The following ATP5F1A variants were observed in gnomAD, a reference collection of about 807,000 sequenced individuals.
ATP5F1A encodes the protein ATP synthase F(1) complex subunit alpha, mitochondrial.
ATP5F1A carries 24 observed loss-of-function variants against 57.4 expected under a neutral mutation model. That is an observed-to-expected ratio of 0.42 (90% CI 0.30 to 0.59). The LOEUF is 0.59. Among genes scored for constraint, ATP5F1A ranks in the 20% least tolerant of loss-of-function variants. ATP5F1A has a pLI of 0.19. For missense variants in ATP5F1A, 494 were observed against 707.9 expected (o/e 0.70, Z 3.43); for synonymous variants, 251 against 255.5 (o/e 0.98, Z 0.17).
rs764829542 is a variant in ATP5F1A at position 46,098,134 on chromosome 18, A to C, written c.60+38T>G. The C allele has an allele frequency of 7.8e-5, 124 of 1,581,362 alleles. 1 individual carries two copies. In the African/African-American group the frequency reaches 1.5e-3, roughly 20 times the overall value. On this transcript the variant is annotated intron_variant, in intron 1 of 11. Transcript: ENST00000398752. The stretch of plus-strand genomic sequence containing the variant: ...CGGCGCACCACCACCCTGCAGCCCC[A>C]CCCGGCCGCCTGCATCATGCCGGCC...
rs1275040955 is a variant in ATP5F1A at position 46,084,342 on chromosome 18, T to G, written c.1602A>C (p.Glu534Asp). 6.2e-7 allele frequency: 1 copy of G among 1,613,568 alleles called. No homozygotes were observed. The highest frequency in any genetic ancestry group is 8.5e-7 in the Non-Finnish European group (1 of 1,179,938). Residue 534 changes from glutamate to aspartate, a missense_variant, in exon 12 of 12, where the codon GAA becomes GAC. Around this residue, in one of 6 missense-constraint regions of ATP5F1A, gnomAD observed 127 missense variants for 195.2 expected, o/e 0.65. Coordinates refer to ENST00000398752, the MANE Select transcript of ATP5F1A (RefSeq NM_004046.6). ...GTIRADGKIS[E>D]QSDAKLKEIV... ...TCTCTTTCAGCTTTGCATCTGATTG[T>G]TCTGAGATCTTTCCATCAGCCCTAT...
intron 1 of ATP5F1A, among the ~76,000 whole-genome samples, chr18:46,096,931 G>A (rs60920014): frequency 2.8e-4 from 41 of 146,484 alleles, no homozygotes; most frequent in African/African-American, 1.0e-3. Flanking sequence ...TGCAGTGGGC[G>A]GAGATCACGC....
rs912280571 is a variant in ATP5F1A, at chr18:46,098,290, C to T, written c.-59G>A. On this transcript the variant is annotated 5_prime_UTR_variant, in exon 1 of 12. Transcript: ENST00000398752. The stretch of plus-strand genomic sequence containing the variant: ...GCCGCAGCCTCCGGACTGACTGGGA[C>T]AAAATGGCCGAGCCGCAAAGAAGGT... 220 of 1,518,606 alleles carry T rather than the reference C, an allele frequency of 1.4e-4. No homozygotes were observed. The highest frequency in any genetic ancestry group is 1.9e-4 in the Non-Finnish European group (212 of 1,131,298). The allele number at this position is 1,518,606 out of a possible 1,614,324, so 94.1% of individuals were successfully genotyped here.
rs8091452 is a variant in ATP5F1A at position 46,082,513 on chromosome 18, G to A, written c.*1769C>T. ...AGCCTGGCCAATATGGTGAAACCCCGCCTCTACTAAAAATACAAAAATTAG... is the reference window on the plus strand; with the variant it reads ...AGCCTGGCCAATATGGTGAAACCCCACCTCTACTAAAAATACAAAAATTAG... On this transcript the variant is annotated 3_prime_UTR_variant, in exon 12 of 12. Transcript: ENST00000398752. 58,398 of 150,922 alleles carry A rather than the reference G, an allele frequency of 0.39. 11,639 individuals are homozygous for A. The highest frequency in any genetic ancestry group is 0.53 in the Middle Eastern group (155 of 292). 9.3% of individuals were successfully genotyped at this position (150,922 alleles called of 1,614,324 possible).
upstream of ATP5F1A, among the ~76,000 whole-genome samples, chr18:46,098,733 C>T (rs1477189056): frequency 1.3e-5 from 2 of 152,292 alleles, no homozygotes; most frequent in African/African-American, 4.8e-5. Context: ...TGGCCACCAG[C>T]AGGGAGCCTC....
At chr18:46,093,031 C>G (rs1910678568) in intron 2 of ATP5F1A, 1 of 151,802 alleles carries the variant, frequency 6.6e-6, no homozygotes, top group East Asian at 1.9e-4. Flanking sequence ...TGCCTGTAAT[C>G]CCAGCTACTT....
chr18:46,090,726 G>T (rs1422402880), intron 3 of ATP5F1A, among the ~76,000 whole-genome samples: 1 of 152,084 alleles, frequency 6.6e-6, no homozygotes, highest in Non-Finnish European at 1.5e-5. Context: ...ACCACATGTG[G>T]CTATTTAAAT....
intron 10 of ATP5F1A, chr18:46,085,899 C>A: frequency 1.7e-6 from 1 of 572,620 alleles, no homozygotes. Context: ...CGCCATTGCA[C>A]TTCAGCCTAG....
intron 1 of ATP5F1A, 57 bp from the exon 2 acceptor site, chr18:46,095,188 C>A: frequency 1.3e-6 from 2 of 1,519,890 alleles, no homozygotes. Context: ...ATAAAACTTA[C>A]AAGCTTAAAC....
chr18:46,085,957 C>CA, intron 10 of ATP5F1A, 156 bp downstream of exon 10: 1 of 832,112 alleles, frequency 1.2e-6, no homozygotes, highest in Non-Finnish European at 1.7e-6. Context: ...AATCAAAAAT[C>CA]AAAAAACAAA....
rs144581146 is a variant in ATP5F1A, at chr18:46,098,187, A to G, written c.45T>C (p.Pro15=). The change falls in exon 1 of 12, where the codon CCT becomes CCC. Residue 15 remains proline (P), a synonymous_variant. Transcript: ENST00000398752. ...CGGTGCTCACCAGTCCGGCCCGCCG[A>G]GGAAGGGCGCGGACCACGGCCGCAG... ...RVAAAVVRAL[P]RRAGLVSRNA... The G allele has an allele frequency of 6.2e-7, 1 of 1,605,628 alleles. No homozygotes were observed. The highest frequency in any genetic ancestry group is 2.2e-5 in the East Asian group (1 of 44,830).
chr18:46,091,003 G>A (rs965542913), intron 3 of ATP5F1A, among the ~76,000 whole-genome samples: 1 of 152,194 alleles, frequency 6.6e-6, no homozygotes, highest in Non-Finnish European at 1.5e-5. Context: ...ATTGGCCAAT[G>A]TCTTACAGCT....
intron 4 of ATP5F1A, 36 bp downstream of exon 4, chr18:46,089,787 G>T (rs1303046799): frequency 4.3e-6 from 7 of 1,609,934 alleles, no homozygotes; most frequent in Non-Finnish European, 2.5e-6. Context: ...ATGTTTGTTA[G>T]AAGCTGCAAC....
At chr18:46,092,196 A>AATG in intron 2 of ATP5F1A, 1 of 62,114 alleles carries the variant, frequency 1.6e-5, no homozygotes, top group African/African-American at 4.5e-5. Context: ...TAATAATAAT[A>AATG]ATAATAATAA....
In ATP5F1A at chr18:46,081,671, A is replaced by T. The variant is rs1909747154; in HGVS notation, c.*2611T>A. ...AAGAGCAAAACTCTCAAAAAAAAAA[A>T]ACAAAAAAAAAAAAAAAAAAAAAAA... On this transcript the variant is annotated 3_prime_UTR_variant, in exon 12 of 12. Transcript: ENST00000398752. 2.9e-5 allele frequency: 3 copies of T among 104,570 alleles called. No homozygotes were observed. Among genetic ancestry groups the T allele is most frequent in the African/African-American group, 1.2e-4 (3 of 25,432 alleles). The allele number at this position is 104,570 out of a possible 1,614,324, so 6.5% of individuals were successfully genotyped here.
At chr18:46,102,246 A>G (rs559979371), upstream of ATP5F1A, among the ~76,000 whole-genome samples, 1 of 152,234 alleles carries the variant, frequency 6.6e-6, no homozygotes, top group Admixed American at 6.5e-5. Flanking sequence ...ACATAAAGAT[A>G]ACTTTTTTTG....
chr18:46,094,393 G>C (rs1910793922), intron 2 of ATP5F1A, among the ~76,000 whole-genome samples: 1 of 152,088 alleles, frequency 6.6e-6, no homozygotes, highest in Non-Finnish European at 1.5e-5. Context: ...CAGTGGACCG[G>C]TGCAGTGGCT....
chr18:46,103,326 G>A (rs1215528174), intron 1 of ATP5F1A, among the ~76,000 whole-genome samples: 1 of 131,072 alleles, frequency 7.6e-6, no homozygotes, highest in East Asian at 2.0e-4. Context: ...GAAAAGAAAA[G>A]GTCGGGCGCA....
At chr18:46,094,106 T>C (rs1910760558) in intron 2 of ATP5F1A, among the ~76,000 whole-genome samples, 1 of 143,408 alleles carries the variant, frequency 7.0e-6, no homozygotes, top group South Asian at 2.1e-4. Flanking sequence ...AAACTCCATC[T>C]CAAAAAAAAA....
Sources: gnomAD v4.1 joint callset for allele counts (sites outside exome capture counted in the v4.1 genomes callset) on GRCh38, gnomAD v4.1.1 for gene constraint, gnomAD v4.1.1 regional missense constraint, MANE v1.5 for transcripts, NCBI Gene and HGNC (gene_info 2026-07-23, HGNC 2026-07-21) for gene names.